ZFPM2: variants seen among roughly 807,000 people sequenced by gnomAD.
ZFPM2 encodes zinc finger protein ZFPM2.
A neutral mutation model predicts 98.6 loss-of-function variants in ZFPM2; 20 were observed. The observed-to-expected ratio is 0.20, with a 90% CI of 0.14 to 0.29. ZFPM2 has a LOEUF of 0.29. Ranked by LOEUF, ZFPM2 falls within the 10% of genes least tolerant of loss-of-function variation. The probability of loss-of-function intolerance (pLI) is 1.00; values close to 1 mark genes in which losing one functional copy is unlikely to be tolerated. For synonymous variants in ZFPM2, 518 were observed against 502.7 expected (o/e 1.03, Z -0.41); for missense variants, 1,310 against 1,388.6 (o/e 0.94, Z 0.90).
At chr8:105,410,970 A>T (rs1029207033) in intron 1 of ZFPM2, among the ~76,000 whole-genome samples, 2 of 151,870 alleles carry the variant, frequency 1.3e-5, no homozygotes, top group African/African-American at 4.8e-5. Context: ...GACTTCTAGC[A>T]GGGTGAGAGT....
chr8:105,375,153 G>GA (rs537061830), intron 1 of ZFPM2, among the ~76,000 whole-genome samples: 10 of 151,846 alleles, frequency 6.6e-5, no homozygotes, highest in Middle Eastern at 3.4e-3. Context: ...GCCTGGATAG[G>GA]AAAAAAACAA....
At chr8:105,481,224 A>G (rs1813111075) in intron 3 of ZFPM2, among the ~76,000 whole-genome samples, 1 of 152,032 alleles carries the variant, frequency 6.6e-6, no homozygotes, top group African/African-American at 2.4e-5. Context: ...GCTTCCCTTA[A>G]TTTTCTCTAT....
chr8:105,506,371 G>A (rs1172675391), intron 3 of ZFPM2, among the ~76,000 whole-genome samples: 1 of 152,078 alleles, frequency 6.6e-6, no homozygotes, highest in Non-Finnish European at 1.5e-5. Flanking sequence ...CAAGTGCTTT[G>A]TAACACTTGA....
intron 5 of ZFPM2, among the ~76,000 whole-genome samples, chr8:105,738,873 T>G (rs1412244665): frequency 6.6e-6 from 1 of 152,024 alleles, no homozygotes; most frequent in African/African-American, 2.4e-5. Flanking sequence ...AAAAGTAAAC[T>G]AGATGCTAAA....
chr8:105,598,098 G>C (rs1244480078), intron 4 of ZFPM2, among the ~76,000 whole-genome samples: 1 of 136,202 alleles, frequency 7.3e-6, no homozygotes. Flanking sequence ...AGAAATAGCT[G>C]TGTTATTCTG....
At chr8:105,405,945 T>C (rs1033188351) in intron 1 of ZFPM2, among the ~76,000 whole-genome samples, 1 of 152,076 alleles carries the variant, frequency 6.6e-6, no homozygotes, top group Non-Finnish European at 1.5e-5. Context: ...GCACCTGTTG[T>C]TTCCTGACTT....
chr8:105,595,349 C>G (rs1341090396), intron 4 of ZFPM2, among the ~76,000 whole-genome samples: 2 of 151,916 alleles, frequency 1.3e-5, no homozygotes, highest in African/African-American at 4.8e-5. Flanking sequence ...AGGAATTACA[C>G]CCAAAAAAAC....
intron 1 of ZFPM2, among the ~76,000 whole-genome samples, chr8:105,330,536 C>CTATA (rs1251195745): frequency 1.1e-5 from 1 of 90,114 alleles, no homozygotes; most frequent in African/African-American, 4.4e-5. Context: ...CTCTCTCTCT[C>CTATA]TCTATATATA....
intron 3 of ZFPM2, among the ~76,000 whole-genome samples, chr8:105,558,446 A>G (rs1306265701): frequency 6.6e-6 from 1 of 152,270 alleles, no homozygotes; most frequent in Non-Finnish European, 1.5e-5. Context: ...CAGTTACTGG[A>G]CTTTCTGTTG....
At chr8:105,621,341 G>A (rs922600029) in intron 4 of ZFPM2, among the ~76,000 whole-genome samples, 2 of 152,130 alleles carry the variant, frequency 1.3e-5, no homozygotes, top group Non-Finnish European at 2.9e-5. Flanking sequence ...TGTTATTAGT[G>A]TATAGGAATG....
At chr8:105,575,522 G>T (rs1815448171) in intron 4 of ZFPM2, among the ~76,000 whole-genome samples, 2 of 152,152 alleles carry the variant, frequency 1.3e-5, no homozygotes, top group African/African-American at 4.8e-5. Context: ...TAAGGCTTCA[G>T]TGCCAAACCT....
intron 2 of ZFPM2, among the ~76,000 whole-genome samples, chr8:105,442,332 A>G (rs1372246695): frequency 6.6e-6 from 1 of 152,190 alleles, no homozygotes; most frequent in African/African-American, 2.4e-5. Context: ...TGACAGAGCG[A>G]GACTCCGTCT....
chr8:105,519,483 T>C (rs1814005769), intron 3 of ZFPM2, among the ~76,000 whole-genome samples: 1 of 152,128 alleles, frequency 6.6e-6, no homozygotes, highest in Non-Finnish European at 1.5e-5. Flanking sequence ...TCCTACAGTG[T>C]CCTCCCAAAG....
chr8:105,353,107 C>G (rs952155032), intron 1 of ZFPM2, among the ~76,000 whole-genome samples: 1 of 152,136 alleles, frequency 6.6e-6, no homozygotes, highest in African/African-American at 2.4e-5. Flanking sequence ...CATAAACCTT[C>G]CAACATTATG....
chr8:105,328,923 C>G (rs1430509875), intron 1 of ZFPM2, among the ~76,000 whole-genome samples: 2 of 151,764 alleles, frequency 1.3e-5, no homozygotes, highest in African/African-American at 4.8e-5. Context: ...GGAGACTGAC[C>G]AACCTGGGAC....
intron 5 of ZFPM2, among the ~76,000 whole-genome samples, chr8:105,723,159 T>A (rs1165137127): frequency 6.6e-6 from 1 of 151,770 alleles, no homozygotes; most frequent in Non-Finnish European, 1.5e-5. Context: ...CCCCACCCAT[T>A]TTTTTTTCTG....
At chr8:105,378,006 G>A (rs1359208987) in intron 1 of ZFPM2, among the ~76,000 whole-genome samples, 1 of 152,148 alleles carries the variant, frequency 6.6e-6, no homozygotes, top group African/African-American at 2.4e-5. Flanking sequence ...AAGGATGACT[G>A]CTGTGATGGA....
chr8:105,700,149 G>A (rs1283074707), intron 5 of ZFPM2, among the ~76,000 whole-genome samples: 4 of 152,082 alleles, frequency 2.6e-5, no homozygotes, highest in Admixed American at 6.5e-5. Flanking sequence ...ACATCAAGTC[G>A]GCAAAGCAAG....
intron 4 of ZFPM2, among the ~76,000 whole-genome samples, chr8:105,601,852 T>A (rs1816098699): frequency 6.6e-6 from 1 of 151,986 alleles, no homozygotes; most frequent in African/African-American, 2.4e-5. Context: ...TGAATCAGCT[T>A]AAAGAAAAGG....
Sources: gnomAD v4.1 joint callset for allele counts (sites outside exome capture counted in the v4.1 genomes callset) on GRCh38, gnomAD v4.1.1 for gene constraint, MANE v1.5 for transcripts, NCBI Gene and HGNC (gene_info 2026-07-23, HGNC 2026-07-21) for gene names.